The following MAMLD1 variants were observed in gnomAD, a reference collection of about 807,000 sequenced individuals.
MAMLD1 encodes the protein mastermind like domain containing 1.
A neutral mutation model predicts 45.0 loss-of-function variants in MAMLD1; 14 were observed. The observed-to-expected ratio is 0.31, with a 90% CI of 0.21 to 0.49. The LOEUF is 0.49. Among genes scored for constraint, MAMLD1 ranks in the 20% least tolerant of loss-of-function variants. The probability of loss-of-function intolerance (pLI) is 0.99; values close to 1 mark genes in which losing one functional copy is unlikely to be tolerated. For missense variants in MAMLD1, 543 were observed against 603.6 expected, an observed-to-expected ratio of 0.90 and a Z score of 1.05; for synonymous variants, 254 against 247.8, an observed-to-expected ratio of 1.02 and a Z score of -0.24.
chrX:150,491,576 G>A (rs782808246), intron 5 of MAMLD1, among the ~76,000 whole-genome samples: 152 of 112,527 alleles, frequency 1.4e-3, no homozygotes, highest in Non-Finnish European at 2.2e-3. Flanking sequence ...GTCTTTTCAA[G>A]GAATGGAGGA....
chrX:150,383,146 C>T lies in MAMLD1; in HGVS notation c.-64+19616C>T, dbSNP rs782623762. ...GTCTCGATCTCCTGACCTCGTGATC[C>T]GCCCGCCTCGGCCTCCCAAAGTGCT... is the stretch of plus-strand genomic sequence containing the variant. On this transcript the variant is annotated intron_variant, in intron 1 of 7. Coordinates refer to ENST00000370401, the MANE Select transcript of MAMLD1 (RefSeq NM_005491.5). 1.9e-4 allele frequency among the ~76,000 whole-genome samples: 6 copies of T among 30,916 alleles called. 1 individual carries two copies. The highest frequency in any genetic ancestry group is 1.5e-3 in the East Asian group (3 of 1,964). The allele number at this position is 30,916 out of a possible 115,157, so 26.8% of individuals were successfully genotyped here.
chrX:150,506,507 A>T (rs1215587632), intron 6 of MAMLD1, among the ~76,000 whole-genome samples: 1 of 111,251 alleles, frequency 9.0e-6, no homozygotes, highest in Non-Finnish European at 1.9e-5. Context: ...TGTCTGAGTC[A>T]GGATGCTCTC....
At chrX:150,451,510 A>G (rs781925414) in intron 2 of MAMLD1, among the ~76,000 whole-genome samples, 7 of 111,305 alleles carry the variant, frequency 6.3e-5, no homozygotes, top group Non-Finnish European at 1.1e-4. Context: ...GGAAAGCCCA[A>G]TGTTTCTCTT....
At chrX:150,449,823 A>G (rs1428922653) in intron 2 of MAMLD1, among the ~76,000 whole-genome samples, 2 of 109,477 alleles carry the variant, frequency 1.8e-5, no homozygotes, top group Non-Finnish European at 3.8e-5. Context: ...GAACAAATCT[A>G]TCTTACTCTG....
chrX:150,427,711 T>C (rs2034761165), intron 1 of MAMLD1, among the ~76,000 whole-genome samples: 1 of 112,033 alleles, frequency 8.9e-6, no homozygotes, highest in African/African-American at 3.2e-5. Context: ...ACAATGCAGC[T>C]CACCTTTGGA....
In MAMLD1 at chrX:150,503,656, C is replaced by G. The variant is rs1287377955; in HGVS notation, c.2284+139C>G. On this transcript the variant is annotated intron_variant, in intron 6 of 7. Coordinates refer to ENST00000370401, the MANE Select transcript of MAMLD1 (RefSeq NM_005491.5). ...GCTCCGAAGGTAAAGCTCTGTCCAC[C>G]CATGAGGGACTTCTAGTGCTTCCTG... is the stretch of plus-strand genomic sequence containing the variant. 3.7e-5 allele frequency: 18 copies of G among 486,451 alleles called. No individual in the cohort carries two copies. In the African/African-American group the frequency reaches 4.2e-4, roughly 11 times the overall value. The allele number at this position is 486,451 out of a possible 1,213,427, so 40.1% of individuals were successfully genotyped here. A position where few individuals can be genotyped will look rare whatever the true frequency, so the allele number is the denominator to read the frequency against.
At chrX:150,457,923 G>C (rs1285050458) in intron 2 of MAMLD1, among the ~76,000 whole-genome samples, 2 of 111,795 alleles carry the variant, frequency 1.8e-5, no homozygotes, top group East Asian at 5.6e-4. Context: ...CTTTTAAAAA[G>C]TTAATTTCAT....
At chrX:150,438,844 T>C (rs142181703) in intron 1 of MAMLD1, among the ~76,000 whole-genome samples, 1,546 of 112,402 alleles carry the variant, frequency 0.014, 32 homozygotes, top group African/African-American at 0.048. Context: ...TTATTTTCAA[T>C]TCCTTTGGGT....
chrX:150,365,281 A>G (rs1569564279), intron 1 of MAMLD1, among the ~76,000 whole-genome samples: 1 of 111,162 alleles, frequency 9.0e-6, no homozygotes, highest in African/African-American at 3.3e-5. Context: ...GCGATGGGGG[A>G]GGGGGCTGTG....
At chrX:150,417,010 TTTC>T (rs1159955366) in intron 1 of MAMLD1, among the ~76,000 whole-genome samples, 1 of 110,717 alleles carries the variant, frequency 9.0e-6, no homozygotes, top group African/African-American at 3.3e-5. Flanking sequence ...TCTTTCTTTC[TTTC>T]TTTTTTTTTA....
rs1557409395 is a variant in MAMLD1 at position 150,514,158 on chromosome X, A to T, written c.*2199A>T. The T allele has an allele frequency of 5.2e-6, 1 of 190,764 alleles. No individual in the cohort carries two copies. The highest frequency in any genetic ancestry group is 2.9e-5 in the African/African-American group (1 of 33,938). The allele number at this position is 190,764 out of a possible 1,213,427, so 15.7% of individuals were successfully genotyped here. On this transcript the variant is annotated 3_prime_UTR_variant, in exon 8 of 8. Transcript: ENST00000370401. ...TGTGTTTTTTCTTCGTTCTGTAATA[A>T]ACAGCCAGGAGAAAAGTGCCTCTAT...
chrX:150,488,253 G>T (rs1192167997), intron 5 of MAMLD1, among the ~76,000 whole-genome samples: 1 of 112,397 alleles, frequency 8.9e-6, no homozygotes, highest in African/African-American at 3.2e-5. Flanking sequence ...TGACACTTAG[G>T]TGAAGACAAT....
At chrX:150,365,533 G>T (rs1237175252) in intron 1 of MAMLD1, among the ~76,000 whole-genome samples, 1 of 113,283 alleles carries the variant, frequency 8.8e-6, no homozygotes, top group African/African-American at 3.2e-5. Flanking sequence ...CCCTTTCCTT[G>T]GTTTCGCTTT....
At chrX:150,378,232 G>A (rs2032428635) in intron 1 of MAMLD1, among the ~76,000 whole-genome samples, 1 of 112,053 alleles carries the variant, frequency 8.9e-6, no homozygotes, top group South Asian at 3.7e-4. Context: ...CTCAGTTTGA[G>A]TTTGTTGCCT....
At chrX:150,439,766 C>A (rs1298687178) in intron 1 of MAMLD1, among the ~76,000 whole-genome samples, 2 of 111,305 alleles carry the variant, frequency 1.8e-5, no homozygotes, top group Non-Finnish European at 3.8e-5. Context: ...AAAACACCGT[C>A]TCTACCAAAA....
intron 1 of MAMLD1, among the ~76,000 whole-genome samples, chrX:150,393,184 G>T (rs1362380081): frequency 8.9e-6 from 1 of 111,802 alleles, no homozygotes; most frequent in African/African-American, 3.3e-5. Context: ...ATGTCATATA[G>T]TCAGAATCAT....
chrX:150,415,888 G>T (rs1245617429), intron 1 of MAMLD1, among the ~76,000 whole-genome samples: 1 of 112,419 alleles, frequency 8.9e-6, no homozygotes, highest in Non-Finnish European at 1.9e-5. Flanking sequence ...TTCGATTTTG[G>T]AGAAATCAGT....
At chrX:150,379,854 ATCT>A (rs1408142944) in intron 1 of MAMLD1, among the ~76,000 whole-genome samples, 5 of 111,834 alleles carry the variant, frequency 4.5e-5, no homozygotes, top group Non-Finnish European at 7.5e-5. Flanking sequence ...CCATATAGAG[ATCT>A]TCTTCATTCT....
rs1569564634 is a variant in MAMLD1 at position 150,398,342 on chromosome X, A to AAGAAGAAGAAGAAGG, written c.-64+34812_-64+34813insAGAAGAAGAAGAAGG. Among the ~76,000 whole-genome samples, 26 of 65,111 alleles carry AAGAAGAAGAAGAAGG rather than the reference A, an allele frequency of 4.0e-4. 1 individual carries two copies. Among genetic ancestry groups the AAGAAGAAGAAGAAGG allele is most frequent in the Non-Finnish European group, 7.2e-4 (23 of 32,080 alleles). The allele number at this position is 65,111 out of a possible 115,157, so 56.5% of individuals were successfully genotyped here. A position where few individuals can be genotyped will look rare whatever the true frequency, so the allele number is the denominator to read the frequency against. Reference sequence around the variant, plus strand: ...GAAGAAGAAGAAGAAGAAGAAGAAGAGGAAGAGGAAGAGGAAGAGGAAGAG... The same window carrying AAGAAGAAGAAGAAGG: ...GAAGAAGAAGAAGAAGAAGAAGAAGAAGAAGAAGAAGAAGGGGAAGAGGAAGAGGAAGAGGAAGAG... On this transcript the variant is annotated intron_variant, in intron 1 of 7. Transcript: ENST00000370401.
Sources: allele counts gnomAD v4.1 joint callset (sites outside exome capture counted in the v4.1 genomes callset), GRCh38; gene constraint gnomAD v4.1.1; transcripts MANE v1.5; gene names NCBI Gene and HGNC (gene_info 2026-07-23, HGNC 2026-07-21).